Variants in POLR1C observed in about 807,000 individuals in gnomAD.
POLR1C encodes the protein RNA polymerase I and III subunit C.
A neutral mutation model predicts 38.3 loss-of-function variants in POLR1C; 42 were observed. The observed-to-expected ratio is 1.10, with a 90% CI of 0.86 to 1.42. The LOEUF (loss-of-function observed/expected upper bound fraction) is 1.42, where lower values mean the gene tolerates loss of function less well. Among genes scored for constraint, POLR1C ranks in the 40% most tolerant of loss-of-function variants. POLR1C has a pLI of 0.00. For missense variants in POLR1C, 507 were observed against 450.5 expected (o/e 1.13, Z -1.14); for synonymous variants, 163 against 163.9 (o/e 0.99, Z 0.04).
downstream of POLR1C, chr6:43,525,282 A>C: frequency 2.1e-6 from 3 of 1,428,946 alleles, no homozygotes; most frequent in Non-Finnish European, 2.8e-6. Flanking sequence ...ATTATTACAC[A>C]TCAGGAGCCG....
chr6:43,527,578 A>T, intron 8 of POLR1C: 5 of 1,582,320 alleles, frequency 3.2e-6, no homozygotes, highest in Non-Finnish European at 4.3e-6. Context: ...TGGCTGAGCG[A>T]CCAGCTCTTC....
At chr6:43,548,275 A>C (rs772085793) in intron 9 of POLR1C, 6 of 1,610,218 alleles carry the variant, frequency 3.7e-6, no homozygotes. Flanking sequence ...GCATGTCTTG[A>C]GAAAGCCAGA....
At chr6:43,542,245 A>G (rs1794733264) in intron 9 of POLR1C, among the ~76,000 whole-genome samples, 1 of 152,146 alleles carries the variant, frequency 6.6e-6, no homozygotes. Flanking sequence ...TTGACTAGTA[A>G]TACTTCAAGT....
chr6:43,535,845 G>A (rs939999754), intron 9 of POLR1C, among the ~76,000 whole-genome samples: 5 of 149,626 alleles, frequency 3.3e-5, no homozygotes, highest in Non-Finnish European at 3.0e-5. Context: ...ATTCTAGGCC[G>A]GGCGCAGTGG....
intron 9 of POLR1C, chr6:43,547,272 C>T: frequency 9.9e-6 from 4 of 405,036 alleles, no homozygotes; most frequent in South Asian, 8.5e-5. Flanking sequence ...TAAGCCATCA[C>T]TTAAGACTTT....
chr6:43,551,269 A>G (rs970815582), intron 10 of POLR1C: 1 of 1,534,824 alleles, frequency 6.5e-7, no homozygotes, highest in African/African-American at 1.4e-5. Context: ...ATGTCAAAAT[A>G]AAATTTACAA....
downstream of POLR1C, chr6:43,524,482 C>T: frequency 6.2e-7 from 1 of 1,613,356 alleles, no homozygotes; most frequent in East Asian, 2.2e-5. Flanking sequence ...CCAATGCAAC[C>T]AGCAATGAGG....
chr6:43,530,092 TAAA>T (rs1477260555), downstream of POLR1C, among the ~76,000 whole-genome samples: 4 of 151,952 alleles, frequency 2.6e-5, no homozygotes, highest in African/African-American at 9.7e-5. Context: ...CTGTCTCTAC[TAAA>T]AATACAAAAA....
At chr6:43,529,943 C>T (rs1793859045), downstream of POLR1C, among the ~76,000 whole-genome samples, 1 of 144,914 alleles carries the variant, frequency 6.9e-6, no homozygotes, top group Non-Finnish European at 1.5e-5. Flanking sequence ...TCTAAAAATA[C>T]AGAAAAGGGA....
downstream of POLR1C, chr6:43,525,231 G>GC: frequency 1.3e-6 from 2 of 1,559,680 alleles, no homozygotes; most frequent in Middle Eastern, 1.7e-4. Flanking sequence ...AGGAAAAGAT[G>GC]AAGAGTTACA....
chr6:43,547,815 TA>T, intron 9 of POLR1C: 3 of 861,678 alleles, frequency 3.5e-6, no homozygotes, highest in Non-Finnish European at 3.7e-6. Context: ...GAGCAGTTTT[TA>T]TAGTGAGAGG....
At chr6:43,530,659 G>C, downstream of POLR1C, 2 of 1,606,188 alleles carry the variant, frequency 1.2e-6, no homozygotes, top group Non-Finnish European at 1.7e-6. Context: ...CTGACCTTTT[G>C]GGTTATGTAG....
chr6:43,518,744 C>T lies in POLR1C; in HGVS notation c.142-589C>T, dbSNP rs766175755. 2.6e-5 allele frequency among the ~76,000 whole-genome samples: 4 copies of T among 152,128 alleles called. No individual in the cohort carries two copies. In the East Asian group the frequency reaches 5.8e-4, roughly 22 times the overall value. On this transcript the variant is annotated intron_variant, in intron 2 of 8. Transcript: ENST00000642195. ...TATGTCCCAGGCTGGAGTGCAGTGG[C>T]GCGATCTTGGCTCACTGCAACCTCC...
At chr6:43,543,751 A>C (rs946700313) in intron 9 of POLR1C, among the ~76,000 whole-genome samples, 4 of 151,650 alleles carry the variant, frequency 2.6e-5, no homozygotes, top group African/African-American at 7.3e-5. Flanking sequence ...ATCTTGGCTC[A>C]CTGCAACCTC....
At chr6:43,531,780 G>A (rs148396706), downstream of POLR1C, among the ~76,000 whole-genome samples, 246 of 151,942 alleles carry the variant, frequency 1.6e-3, 1 homozygote, top group African/African-American at 5.5e-3. Flanking sequence ...CTTTAGACCC[G>A]GGTACTCTTT....
downstream of POLR1C, chr6:43,529,623 T>C (rs1793834881): frequency 1.2e-5 from 2 of 168,540 alleles, no homozygotes; most frequent in Non-Finnish European, 2.6e-5. Flanking sequence ...GAATGAAGTG[T>C]TAAAACTGCT....
At chr6:43,527,090 A>G (rs771707814) in intron 8 of POLR1C, 21 of 255,128 alleles carry the variant, frequency 8.2e-5, no homozygotes, top group Non-Finnish European at 1.5e-4. Context: ...CTCCATGTCC[A>G]AGAATTTAAA....
At chr6:43,519,894 CTG>C in intron 4 of POLR1C, 56 bp downstream of exon 4, 1 of 1,583,552 alleles carries the variant, frequency 6.3e-7, no homozygotes, top group Non-Finnish European at 8.6e-7. Context: ...TCCTGGTTGA[CTG>C]TGATGTTGGG....
downstream of POLR1C, among the ~76,000 whole-genome samples, chr6:43,521,723 G>A (rs893542272): frequency 2.0e-5 from 3 of 151,824 alleles, no homozygotes; most frequent in African/African-American, 4.9e-5. Flanking sequence ...TAGAGACAGG[G>A]TTTCACCATG....
Sources: allele counts gnomAD v4.1 joint callset (sites outside exome capture counted in the v4.1 genomes callset), GRCh38; gene constraint gnomAD v4.1.1; transcripts MANE v1.5; gene names NCBI Gene and HGNC (gene_info 2026-07-23, HGNC 2026-07-21).